Variants in TRABD2B observed in about 807,000 individuals in gnomAD.
TRABD2B encodes the protein metalloprotease TIKI2.
TRABD2B carries 14 observed loss-of-function variants against 40.1 expected under a neutral mutation model. That is an observed-to-expected ratio of 0.35 (90% confidence interval 0.23 to 0.55). The LOEUF (loss-of-function observed/expected upper bound fraction) is 0.55, where lower values mean the gene tolerates loss of function less well. Among genes scored for constraint, TRABD2B ranks in the 20% least tolerant of loss-of-function variants. TRABD2B has a pLI of 0.90. For synonymous variants in TRABD2B, 263 were observed against 277.0 expected, an observed-to-expected ratio of 0.95 and a Z score of 0.50; for missense variants, 541 against 648.6, an observed-to-expected ratio of 0.83 and a Z score of 1.80.
At chr1:47,871,966 G>C (rs1644148081) in intron 2 of TRABD2B, among the ~76,000 whole-genome samples, 1 of 152,190 alleles carries the variant, frequency 6.6e-6, no homozygotes, top group Admixed American at 6.5e-5. Flanking sequence ...CACTCCCAAG[G>C]GATATCTGGG....
chr1:47,995,542 G>C (rs1646077649), intron 1 of TRABD2B, among the ~76,000 whole-genome samples: 1 of 151,942 alleles, frequency 6.6e-6, no homozygotes, highest in Non-Finnish European at 1.5e-5. Context: ...GTATGTAGGA[G>C]CTGAAGAGAG....
At chr1:47,846,553 TG>T (rs1304810592) in intron 2 of TRABD2B, among the ~76,000 whole-genome samples, 7 of 152,104 alleles carry the variant, frequency 4.6e-5, no homozygotes, top group Non-Finnish European at 8.8e-5. Context: ...TCTGAGGTGC[TG>T]GGGAGGTTGA....
rs367861983 is a variant in TRABD2B at position 47,797,777 on chromosome 1, G to T, written c.814-3017C>A. 3.3e-5 allele frequency among the ~76,000 whole-genome samples: 5 copies of T among 152,202 alleles called. No individual in the cohort carries two copies. The East Asian group carries it at 7.8e-4, about 24-fold the overall frequency. ...AATGATGTCATTAGACTTGTTGGGG[G>T]CCTTAAATCTTCTATGACAAGTTTA... On this transcript the variant is annotated intron_variant, in intron 3 of 6. Coordinates refer to ENST00000606738, the MANE Select transcript of TRABD2B (RefSeq NM_001194986.2).
intron 2 of TRABD2B, among the ~76,000 whole-genome samples, chr1:47,948,355 C>G (rs1645289142): frequency 6.6e-6 from 1 of 152,186 alleles, no homozygotes. Flanking sequence ...AAACATTAAA[C>G]TTCCCAATCA....
chr1:47,919,049 G>A (rs1644866473), intron 2 of TRABD2B, among the ~76,000 whole-genome samples: 1 of 152,188 alleles, frequency 6.6e-6, no homozygotes, highest in African/African-American at 2.4e-5. Context: ...TTGGGCTCCC[G>A]CGGTCCGCCA....
chr1:47,777,255 T>C (rs1027884631), intron 5 of TRABD2B, among the ~76,000 whole-genome samples: 2 of 152,150 alleles, frequency 1.3e-5, no homozygotes, highest in African/African-American at 2.4e-5. Context: ...GAAGAAGGCT[T>C]TGTCCCTGAG....
chr1:47,937,187 CATT>C (rs1330928640), intron 2 of TRABD2B, among the ~76,000 whole-genome samples: 4 of 151,772 alleles, frequency 2.6e-5, no homozygotes, highest in Non-Finnish European at 5.9e-5. Context: ...TCATTATCAT[CATT>C]ATCACCATCA....
chr1:47,920,934 T>C (rs1340430749), intron 2 of TRABD2B, among the ~76,000 whole-genome samples: 1 of 152,180 alleles, frequency 6.6e-6, no homozygotes, highest in Non-Finnish European at 1.5e-5. Flanking sequence ...AGAACTGCAA[T>C]CCACCCTCTT....
chr1:47,950,930 A>G (rs929054453), intron 2 of TRABD2B, among the ~76,000 whole-genome samples: 1 of 152,092 alleles, frequency 6.6e-6, no homozygotes, highest in Non-Finnish European at 1.5e-5. Flanking sequence ...TGGGACCTGA[A>G]CCCTTGGGCC....
intron 2 of TRABD2B, among the ~76,000 whole-genome samples, chr1:47,948,449 C>T (rs1274126426): frequency 6.6e-6 from 1 of 152,218 alleles, no homozygotes; most frequent in Non-Finnish European, 1.5e-5. Flanking sequence ...TAACTTTTTA[C>T]CTCTTCTTGC....
At chr1:47,948,843 C>T (rs1305185522) in intron 2 of TRABD2B, among the ~76,000 whole-genome samples, 1 of 152,164 alleles carries the variant, frequency 6.6e-6, no homozygotes, top group Non-Finnish European at 1.5e-5. Context: ...TCTCTCACCA[C>T]CCTCTCGCCA....
rs1024670251 is a variant in TRABD2B, at chr1:47,766,054, T to C, written c.1402A>G (p.Thr468Ala). 4 of 696,738 alleles carry C rather than the reference T, an allele frequency of 5.7e-6. No homozygotes were observed. Among genetic ancestry groups the C allele is most frequent in the Non-Finnish European group, 2.6e-6 (1 of 382,052 alleles). 43.2% of individuals were successfully genotyped at this position (696,738 alleles called of 1,614,324 possible). ...GAAAGCTGGAAGGGGGGCTTGGCGGTCCCCGAGCTGTGGGTGGGCTGCAGG... is the reference window on the plus strand; with the variant it reads ...GAAAGCTGGAAGGGGGGCTTGGCGGCCCCCGAGCTGTGGGTGGGCTGCAGG... Reference protein sequence around the residue: ...LPLQPTHSSGTAKPPFQLSDQ... With the variant: ...LPLQPTHSSGAAKPPFQLSDQ... Residue 468 changes from threonine (T) to alanine (A), a missense_variant, in exon 7 of 7, where the codon ACC (threonine) becomes GCC (alanine). By Grantham distance (58) the Thr-to-Ala change is moderately conservative. Coordinates refer to ENST00000606738, the MANE Select transcript of TRABD2B (RefSeq NM_001194986.2).
chr1:47,913,193 C>G (rs1041703285), intron 2 of TRABD2B, among the ~76,000 whole-genome samples: 2 of 152,184 alleles, frequency 1.3e-5, no homozygotes, highest in Non-Finnish European at 2.9e-5. Context: ...AGCCCCAGTT[C>G]TTACAGTTCC....
At chr1:47,944,223 A>G (rs1342604889) in intron 2 of TRABD2B, among the ~76,000 whole-genome samples, 2 of 152,226 alleles carry the variant, frequency 1.3e-5, no homozygotes, top group Non-Finnish European at 2.9e-5. Flanking sequence ...GGGGAATGGC[A>G]GAAGAGTTGG....
intron 2 of TRABD2B, among the ~76,000 whole-genome samples, chr1:47,984,463 C>G (rs1645889325): frequency 1.3e-5 from 2 of 152,222 alleles, no homozygotes; most frequent in African/African-American, 4.8e-5. Context: ...CTCGCCTCTG[C>G]GCCAGGGCGT....
intron 2 of TRABD2B, among the ~76,000 whole-genome samples, chr1:47,958,827 T>C (rs997136899): frequency 1.2e-3 from 178 of 152,064 alleles, no homozygotes; most frequent in Non-Finnish European, 2.1e-3. Context: ...AACAAGGATA[T>C]CCAGGAATTG....
chr1:47,795,303 C>T (rs1644733529), intron 3 of TRABD2B, among the ~76,000 whole-genome samples: 1 of 152,244 alleles, frequency 6.6e-6, no homozygotes. Context: ...TAAGGCCTAG[C>T]TTCTGGGCTT....
chr1:47,841,877 G>A (rs1234119588), intron 2 of TRABD2B, among the ~76,000 whole-genome samples: 1 of 149,216 alleles, frequency 6.7e-6, no homozygotes, highest in Non-Finnish European at 1.5e-5. Context: ...GATTCAAACA[G>A]TTCTCTGCCT....
At chr1:47,886,002 G>A (rs1644365843) in intron 2 of TRABD2B, among the ~76,000 whole-genome samples, 1 of 152,186 alleles carries the variant, frequency 6.6e-6, no homozygotes, top group Non-Finnish European at 1.5e-5. Context: ...TATGGCTGAA[G>A]AGAATCTTTA....
Sources: gnomAD v4.1 joint callset for allele counts (sites outside exome capture counted in the v4.1 genomes callset) on GRCh38, gnomAD v4.1.1 for gene constraint, MANE v1.5 for transcripts, NCBI Gene and HGNC (gene_info 2026-07-23, HGNC 2026-07-21) for gene names.